The following NF1 variants were observed in gnomAD, a reference collection of about 807,000 sequenced individuals.
The protein encoded by NF1 is neurofibromin 1.
Under a neutral mutation model 325.7 loss-of-function variants are expected in NF1, and 122 were observed. The observed-to-expected ratio is 0.37, with a 90% CI of 0.32 to 0.44. The LOEUF (loss-of-function observed/expected upper bound fraction) is 0.44, where lower values mean the gene tolerates loss of function less well. NF1 is among the 20% of genes least tolerant of loss of function. The pLI is 1.00. For missense variants in NF1, 2,140 were observed against 3,415.4 expected (o/e 0.63, Z 9.31); for synonymous variants, 1,091 against 1,186.0 (o/e 0.92, Z 1.65).
chr17:31,373,546 T>G (rs2070684826), intron 57 of NF1, among the ~76,000 whole-genome samples: 1 of 152,244 alleles, frequency 6.6e-6, no homozygotes, highest in Admixed American at 6.5e-5. Context: ...ATTAACTTAG[T>G]AAACATTTTA....
At chr17:31,181,536 A>G (rs1164450722) in intron 6 of NF1, 47 bp downstream of exon 6, 2 of 1,581,274 alleles carry the variant, frequency 1.3e-6, no homozygotes, top group East Asian at 2.2e-5. Flanking sequence ...TTGATGTAAA[A>G]TTTGCTGTTG....
intron 36 of NF1, chr17:31,318,576 A>G (rs772569534): frequency 6.2e-7 from 1 of 1,614,138 alleles, no homozygotes; most frequent in South Asian, 1.1e-5. Context: ...TACAGATAAG[A>G]AAAAGCACTG....
chr17:31,154,747 T>A (rs1412260332), intron 1 of NF1, among the ~76,000 whole-genome samples: 1 of 147,160 alleles, frequency 6.8e-6, no homozygotes, highest in Admixed American at 6.8e-5. Flanking sequence ...TTTTTTTTTT[T>A]TTTTTTTATT....
At chr17:31,334,694 T>C (rs1298992129) in intron 39 of NF1, 144 bp from the exon 40 acceptor site, 1 of 673,080 alleles carries the variant, frequency 1.5e-6, no homozygotes, top group Non-Finnish European at 2.6e-6. Flanking sequence ...TACAAAAATA[T>C]ATTTGCCAAG....
At chr17:31,304,869 T>A (rs2068667177) in intron 36 of NF1, 1 of 1,613,920 alleles carries the variant, frequency 6.2e-7, no homozygotes, top group African/African-American at 1.3e-5. Flanking sequence ...CAGGGGTTTC[T>A]CCATCAGCAA....
At chr17:31,152,890 T>C (rs1567812916) in intron 1 of NF1, among the ~76,000 whole-genome samples, 5 of 152,150 alleles carry the variant, frequency 3.3e-5, no homozygotes. Context: ...TATTTGACCA[T>C]AGAACTTTTC....
chr17:31,230,111 C>A, intron 22 of NF1, 137 bp downstream of exon 22: 2 of 1,407,160 alleles, frequency 1.4e-6, no homozygotes, highest in Non-Finnish European at 2.0e-6. Context: ...AGTAAGGTAG[C>A]CAGAAGTTGT....
chr17:31,262,436 A>G (rs2067701982), intron 35 of NF1, among the ~76,000 whole-genome samples: 1 of 152,224 alleles, frequency 6.6e-6, no homozygotes, highest in Admixed American at 6.5e-5. Flanking sequence ...CTCTGTGATG[A>G]TACAGTGAGA....
chr17:31,338,140 G>T lies in NF1; in HGVS notation c.6819+1G>T, dbSNP rs1555534964. On this transcript the variant is annotated splice_donor_variant, in intron 45 of 57. Coordinates refer to ENST00000358273, the MANE Select transcript of NF1 (RefSeq NM_001042492.3). LOFTEE classifies it high-confidence loss of function. ...GCAGATAATCCGTATTCTTAGCAAG[G>T]TACCTGTTCCGCCCTCACTTCTCCC... The T allele has an allele frequency of 6.3e-7, 1 of 1,598,240 alleles. No homozygotes were observed. The highest frequency in any genetic ancestry group is 1.3e-5 in the African/African-American group (1 of 74,698).
intron 1 of NF1, among the ~76,000 whole-genome samples, chr17:31,125,046 A>T (rs147921659): frequency 6.6e-6 from 1 of 151,666 alleles, no homozygotes; most frequent in East Asian, 1.9e-4. Context: ...ATGCTGTGGA[A>T]ACACCTCTAT....
Position 31,356,874 on chromosome 17 carries a change from T to C in NF1, c.7739-86T>C, listed in dbSNP as rs1408297200. 1.9e-6 allele frequency: 3 copies of C among 1,552,982 alleles called. No homozygotes were observed. In the Admixed American group the frequency reaches 5.0e-5, roughly 26 times the overall value. ...ATTTTAAGTATCTACTAAAGAAAGC[T>C]GTTGAATTTTAGAAGTAACATTGAA... On this transcript the variant is annotated intron_variant, in intron 52 of 57. Transcript: ENST00000358273.
chr17:31,247,632 A>G (rs908391740), intron 29 of NF1, among the ~76,000 whole-genome samples: 2 of 152,230 alleles, frequency 1.3e-5, no homozygotes, highest in African/African-American at 4.8e-5. Flanking sequence ...GTAAAGTTAT[A>G]TCTGCATATA....
At chr17:31,324,628 C>T (rs1197032765) in intron 36 of NF1, among the ~76,000 whole-genome samples, 1 of 152,134 alleles carries the variant, frequency 6.6e-6, no homozygotes, top group African/African-American at 2.4e-5. Flanking sequence ...GTGGTACAAT[C>T]TCAGCTCGCT....
chr17:31,346,039 A>G, intron 48 of NF1: 1 of 1,612,800 alleles, frequency 6.2e-7, no homozygotes, highest in South Asian at 1.1e-5. Context: ...CTAAGACAGT[A>G]CAAAGACGTG....
At chr17:31,179,211 C>T (rs1228546662) in intron 5 of NF1, among the ~76,000 whole-genome samples, 1 of 152,214 alleles carries the variant, frequency 6.6e-6, no homozygotes, top group African/African-American at 2.4e-5. Flanking sequence ...AAGGAACTCA[C>T]TCTAAACCAC....
chr17:31,152,032 C>G (rs924418808), intron 1 of NF1, among the ~76,000 whole-genome samples: 43 of 152,250 alleles, frequency 2.8e-4, no homozygotes, highest in South Asian at 1.5e-3. Flanking sequence ...TTCCTCCCCC[C>G]TCCCCCTACC....
intron 1 of NF1, among the ~76,000 whole-genome samples, chr17:31,140,581 G>C (rs1447153952): frequency 6.6e-6 from 1 of 152,154 alleles, no homozygotes; most frequent in African/African-American, 2.4e-5. Flanking sequence ...AGTATAGCTA[G>C]GGCAAGTCCC....
At chr17:31,159,896 T>C (rs1331387476) in intron 3 of NF1, among the ~76,000 whole-genome samples, 2 of 152,154 alleles carry the variant, frequency 1.3e-5, no homozygotes, top group Non-Finnish European at 2.9e-5. Context: ...CAGAATTGCT[T>C]CCCTCTTCAC....
chr17:31,219,702 A>G (rs1043638864), intron 14 of NF1, among the ~76,000 whole-genome samples: 1 of 142,310 alleles, frequency 7.0e-6, no homozygotes, highest in Non-Finnish European at 1.5e-5. Context: ...TAACATTTTT[A>G]TCACCCCAGA....
Sources: gnomAD v4.1 joint callset for allele counts (sites outside exome capture counted in the v4.1 genomes callset) on GRCh38, gnomAD v4.1.1 for gene constraint, MANE v1.5 for transcripts, NCBI Gene and HGNC (gene_info 2026-07-23, HGNC 2026-07-21) for gene names.